The following PERP variants were observed in gnomAD, a reference collection of about 807,000 sequenced individuals.
PERP encodes p53 apoptosis effector related to PMP-22.
PERP carries 11 observed loss-of-function variants against 20.3 expected under a neutral mutation model. The observed-to-expected ratio is 0.54, with a 90% CI of 0.34 to 0.90. PERP has a LOEUF of 0.90. PERP is among the 40% of genes least tolerant of loss of function. The probability of loss-of-function intolerance (pLI) is 0.02; values close to 1 mark genes in which losing one functional copy is unlikely to be tolerated. For missense variants in PERP, 224 were observed against 249.4 expected (o/e 0.90, Z 0.69); for synonymous variants, 101 against 102.0 (o/e 0.99, Z 0.06).
intron 2 of PERP, 62 bp from the exon 3 acceptor site, chr6:138,092,330 A>G (rs1397809754): frequency 7.3e-7 from 1 of 1,363,260 alleles, no homozygotes; most frequent in African/African-American, 1.4e-5. Flanking sequence ...ATAAATACAC[A>G]TTAGCGACAG....
chr6:138,094,044 A>C (rs1445536952), intron 2 of PERP, among the ~76,000 whole-genome samples: 2 of 152,212 alleles, frequency 1.3e-5, no homozygotes, highest in African/African-American at 4.8e-5. Context: ...GTCACTGTGG[A>C]TGGCCATTGC....
At chr6:138,100,836 C>T (rs1295173062) in intron 1 of PERP, among the ~76,000 whole-genome samples, 1 of 152,132 alleles carries the variant, frequency 6.6e-6, no homozygotes, top group African/African-American at 2.4e-5. Context: ...ATTAGATGAA[C>T]AACAGCTTCT....
At chr6:138,092,836 G>C (rs532863681) in intron 2 of PERP, among the ~76,000 whole-genome samples, 1 of 152,246 alleles carries the variant, frequency 6.6e-6, no homozygotes, top group Non-Finnish European at 1.5e-5. Context: ...AATCCGCAGA[G>C]AAGCCTGCAG....
intron 1 of PERP, among the ~76,000 whole-genome samples, chr6:138,106,581 T>C (rs1319254473): frequency 5.9e-5 from 9 of 152,232 alleles, no homozygotes; most frequent in Admixed American, 6.5e-5. Flanking sequence ...TAACAAGAAC[T>C]AGCCTGACCG....
chr6:138,099,111 T>C (rs1775737687), intron 1 of PERP, among the ~76,000 whole-genome samples: 1 of 152,208 alleles, frequency 6.6e-6, no homozygotes, highest in African/African-American at 2.4e-5. Flanking sequence ...AAATAAGCAG[T>C]AGTGCTCCTT....
intron 2 of PERP, among the ~76,000 whole-genome samples, chr6:138,093,808 T>C (rs2473097): frequency 0.19 from 28,180 of 152,144 alleles, 2,854 homozygotes; most frequent in Non-Finnish European, 0.22. Flanking sequence ...AAACATACCT[T>C]AAAAGTCAAA....
intron 2 of PERP, among the ~76,000 whole-genome samples, chr6:138,094,562 C>T (rs1196488860): frequency 6.6e-6 from 1 of 152,036 alleles, no homozygotes; most frequent in African/African-American, 2.4e-5. Context: ...TTGTTTCCAC[C>T]TTTTGGCTGT....
intron 2 of PERP, among the ~76,000 whole-genome samples, chr6:138,094,528 T>C (rs2114331832): frequency 6.6e-6 from 1 of 152,354 alleles, no homozygotes; most frequent in South Asian, 2.1e-4. Flanking sequence ...TGTTTGTCCA[T>C]GCATCTGTTG....
chr6:138,104,461 T>C (rs1220697828), intron 1 of PERP, among the ~76,000 whole-genome samples: 1 of 152,230 alleles, frequency 6.6e-6, no homozygotes, highest in Non-Finnish European at 1.5e-5. Flanking sequence ...ATATTCTGCT[T>C]TTTATATAGT....
At chr6:138,093,107 C>A (rs1191492831) in intron 2 of PERP, among the ~76,000 whole-genome samples, 2 of 152,134 alleles carry the variant, frequency 1.3e-5, no homozygotes, top group East Asian at 1.9e-4. Context: ...CTTTCGTGGT[C>A]TTTTTCAATG....
intron 1 of PERP, among the ~76,000 whole-genome samples, chr6:138,105,995 A>G (rs1176963046): frequency 2.0e-5 from 3 of 152,194 alleles, no homozygotes; most frequent in Non-Finnish European, 4.4e-5. Flanking sequence ...GTGACGTCCA[A>G]AGGATTACAC....
At chr6:138,094,192 T>C (rs505121) in intron 2 of PERP, among the ~76,000 whole-genome samples, 96,617 of 151,730 alleles carry the variant, frequency 0.64, 31,580 homozygotes, top group East Asian at 0.94. Context: ...AATTCAGTGG[T>C]ATTAAATGAA....
At chr6:138,101,984 C>T (rs1254930402) in intron 1 of PERP, among the ~76,000 whole-genome samples, 1 of 152,084 alleles carries the variant, frequency 6.6e-6, no homozygotes, top group South Asian at 2.1e-4. Context: ...TCCTGGTTTG[C>T]GACACTTAGA....
At chr6:138,104,350 CAAAG>C (rs1290919472) in intron 1 of PERP, among the ~76,000 whole-genome samples, 5 of 151,950 alleles carry the variant, frequency 3.3e-5, no homozygotes, top group Non-Finnish European at 5.9e-5. Flanking sequence ...TTTAGCTGGT[CAAAG>C]AAAATATTCA....
chr6:138,107,372 G>A lies in PERP; in HGVS notation c.-32C>T. On this transcript the variant is annotated 5_prime_UTR_variant, in exon 1 of 3. Transcript: ENST00000421351. This position sits in a 1 kb window ranked among gnomAD's most constrained non-coding sequence, Gnocchi z 4.8. ...GGGCGGCGCGGGGCCGAGCGGAGCG[G>A]AGCGGAGCGGGTCGGAGGAGCGCGC... The A allele has an allele frequency of 1.3e-6, 2 of 1,513,940 alleles. No individual in the cohort carries two copies. Among genetic ancestry groups the A allele is most frequent in the South Asian group, 1.3e-5 (1 of 79,132 alleles). 93.8% of individuals were successfully genotyped at this position (1,513,940 alleles called of 1,614,324 possible). A position where few individuals can be genotyped will look rare whatever the true frequency, so the allele number is the denominator to read the frequency against.
intron 1 of PERP, among the ~76,000 whole-genome samples, chr6:138,102,822 A>G (rs1775792572): frequency 6.6e-6 from 1 of 152,116 alleles, no homozygotes; most frequent in Non-Finnish European, 1.5e-5. Context: ...GTCTGCGGCC[A>G]GGCGCGGTGG....
chr6:138,096,503 A>G lies in PERP; in HGVS notation c.215-9T>C, dbSNP rs575610368. The G allele has an allele frequency of 2.3e-5, 37 of 1,603,122 alleles. No individual in the cohort carries two copies. The African/African-American group carries it at 3.5e-4, about 15-fold the overall frequency. ...CGCTGCTCTACCCCACGCTGCAAGAAAAAAAGAAACAGCAATTAACAAGAC... is the reference window on the plus strand; with the variant it reads ...CGCTGCTCTACCCCACGCTGCAAGAGAAAAAGAAACAGCAATTAACAAGAC... On this transcript the variant is annotated splice_polypyrimidine_tract_variant and intron_variant, in intron 1 of 2. Coordinates refer to ENST00000421351, the MANE Select transcript of PERP (RefSeq NM_022121.5).
rs1032157080 is a variant in PERP at position 138,107,397 on chromosome 6, C to G, written c.-57G>C. On this transcript the variant is annotated 5_prime_UTR_variant, in exon 1 of 3. Coordinates refer to ENST00000421351, the MANE Select transcript of PERP (RefSeq NM_022121.5). The surrounding 1 kb of genome is among the most constrained non-coding windows in gnomAD (Gnocchi z 4.8). Reference sequence around the variant, plus strand: ...GAGCGGAGCGGGTCGGAGGAGCGCGCGGGACGGGCGACAGCAGAGAGTGGC... The same window carrying G: ...GAGCGGAGCGGGTCGGAGGAGCGCGGGGGACGGGCGACAGCAGAGAGTGGC... The G allele has an allele frequency of 1.5e-6, 2 of 1,364,192 alleles. No homozygotes were observed. The highest frequency in any genetic ancestry group is 3.3e-5 in the South Asian group (2 of 59,972). The allele number at this position is 1,364,192 out of a possible 1,614,324, so 84.5% of individuals were successfully genotyped here.
At chr6:138,103,028 G>A (rs1775796539) in intron 1 of PERP, among the ~76,000 whole-genome samples, 1 of 151,722 alleles carries the variant, frequency 6.6e-6, no homozygotes, top group Non-Finnish European at 1.5e-5. Context: ...GAACCCGGGA[G>A]GCGGAGCTTG....
Sources: gnomAD v4.1 joint callset for allele counts (sites outside exome capture counted in the v4.1 genomes callset) on GRCh38, gnomAD v4.1.1 for gene constraint, Gnocchi (gnomAD v3.1) non-coding constraint, MANE v1.5 for transcripts, NCBI Gene and HGNC (gene_info 2026-07-23, HGNC 2026-07-21) for gene names.